The following CTNNA3 variants were observed in gnomAD, a reference collection of about 807,000 sequenced individuals.
The protein encoded by CTNNA3 is catenin alpha 3.
CTNNA3 carries 76 observed loss-of-function variants against 95.7 expected under a neutral mutation model. That is an observed-to-expected ratio of 0.79 (90% CI 0.66 to 0.96). CTNNA3 has a LOEUF of 0.96. Among genes scored for constraint, CTNNA3 ranks in the 40% least tolerant of loss-of-function variants. CTNNA3 has a pLI of 0.00. For synonymous variants in CTNNA3, 431 were observed against 374.4 expected, an observed-to-expected ratio of 1.15 and a Z score of -1.74; for missense variants, 1,191 against 1,089.8, an observed-to-expected ratio of 1.09 and a Z score of -1.31.
In CTNNA3 at chr10:66,857,351, G is replaced by C. The variant is rs558675409; in HGVS notation, c.1048-81827C>G. Among the ~76,000 whole-genome samples, 5 of 150,284 alleles carry C rather than the reference G, an allele frequency of 3.3e-5. No homozygotes were observed. The East Asian group carries it at 5.9e-4, about 18-fold the overall frequency. On this transcript the variant is annotated intron_variant, in intron 7 of 17. Coordinates refer to ENST00000433211, the MANE Select transcript of CTNNA3 (RefSeq NM_013266.4). ...CAGGTAATGTGATGCCTCCAGCTTT[G>C]TTCTTTATGCTTAGTACTGCCTTGG...
At chr10:66,229,728 T>A (rs1416611104) in intron 13 of CTNNA3, among the ~76,000 whole-genome samples, 3 of 119,110 alleles carry the variant, frequency 2.5e-5, no homozygotes, top group Non-Finnish European at 3.9e-5. Flanking sequence ...TTATTTGTAA[T>A]TTTTTTAGCT....
In CTNNA3 at chr10:66,991,197, G is replaced by A. The variant is rs561870739; in HGVS notation, c.1047+189120C>T. Among the ~76,000 whole-genome samples the A allele has an allele frequency of 1.7e-4, 26 of 152,276 alleles. No individual in the cohort carries two copies. In the South Asian group the frequency reaches 5.4e-3, roughly 32 times the overall value. On this transcript the variant is annotated intron_variant, in intron 7 of 17. Coordinates refer to ENST00000433211, the MANE Select transcript of CTNNA3 (RefSeq NM_013266.4). ...TTCAAACATTCAGGGAAGTAAAAAT[G>A]TCACTATGCCAGGTTTTCTAAATTT... is the stretch of plus-strand genomic sequence containing the variant.
intron 7 of CTNNA3, among the ~76,000 whole-genome samples, chr10:67,120,259 C>A (rs1589761066): frequency 6.6e-6 from 1 of 151,916 alleles, no homozygotes; most frequent in Admixed American, 6.6e-5. Context: ...TACCCTGAAT[C>A]AAGTGAATGA....
intron 5 of CTNNA3, among the ~76,000 whole-genome samples, chr10:67,308,965 A>C (rs1269892187): frequency 6.6e-6 from 1 of 152,180 alleles, no homozygotes; most frequent in African/African-American, 2.4e-5. Context: ...GTGACTTTTT[A>C]ACCTCTTAAC....
chr10:66,677,648 C>T (rs1205886360), intron 9 of CTNNA3, among the ~76,000 whole-genome samples: 1 of 152,112 alleles, frequency 6.6e-6, no homozygotes, highest in African/African-American at 2.4e-5. Context: ...AGTTCCCCTA[C>T]ACAAGCTCTC....
At chr10:66,551,236 T>A (rs1462047755) in intron 10 of CTNNA3, among the ~76,000 whole-genome samples, 4 of 152,168 alleles carry the variant, frequency 2.6e-5, no homozygotes, top group African/African-American at 7.2e-5. Context: ...TTAGTGGATA[T>A]AAAATTACGG....
chr10:66,159,916 T>A (rs925825087), intron 13 of CTNNA3, among the ~76,000 whole-genome samples: 1 of 151,986 alleles, frequency 6.6e-6, no homozygotes, highest in Non-Finnish European at 1.5e-5. Context: ...AGAGCTGTAT[T>A]TTTCCATGAA....
intron 5 of CTNNA3, among the ~76,000 whole-genome samples, chr10:67,467,804 G>C (rs1281757753): frequency 1.3e-5 from 2 of 151,828 alleles, no homozygotes; most frequent in Admixed American, 1.3e-4. Context: ...TCGACCTCCT[G>C]GGCTCAGGTG....
intron 5 of CTNNA3, among the ~76,000 whole-genome samples, chr10:67,450,167 G>T (rs546311650): frequency 6.6e-6 from 1 of 152,250 alleles, no homozygotes; most frequent in South Asian, 2.1e-4. Flanking sequence ...TCAAGTTGTG[G>T]TAAAAAGGGA....
At chr10:67,230,414 C>T (rs1278925258) in intron 5 of CTNNA3, among the ~76,000 whole-genome samples, 1 of 151,880 alleles carries the variant, frequency 6.6e-6, no homozygotes, top group African/African-American at 2.4e-5. Context: ...CACCAAGAAC[C>T]CAAAAGCAAA....
chr10:67,566,077 AACC>A (rs1554854528), intron 3 of CTNNA3, among the ~76,000 whole-genome samples: 14 of 109,350 alleles, frequency 1.3e-4, no homozygotes, highest in Non-Finnish European at 2.1e-4. Context: ...ATATATACAA[AACC>A]TAGGCATTAC....
intron 14 of CTNNA3, among the ~76,000 whole-genome samples, chr10:66,085,356 G>C (rs1206011877): frequency 1.3e-5 from 2 of 152,050 alleles, no homozygotes; most frequent in Non-Finnish European, 2.9e-5. Context: ...AAGAGAATTG[G>C]TGTTTGTTGG....
Position 67,402,415 on chromosome 10 carries a change from T to C in CTNNA3, c.579+119427A>G, listed in dbSNP as rs140085565. On this transcript the variant is annotated intron_variant, in intron 5 of 17. Transcript: ENST00000433211. ...ATACAGAAAAGAGAATTGAGAAAGA[T>C]GAAGAGCAGAGAGTGGGCCGAGACC... is the stretch of plus-strand genomic sequence containing the variant. 3.3e-3 allele frequency among the ~76,000 whole-genome samples: 499 copies of C among 152,188 alleles called. 5 individuals carry two copies. The highest frequency in any genetic ancestry group is 0.011 in the African/African-American group (461 of 41,530).
At position 66,758,345 on chromosome 10, in the gene CTNNA3, G is replaced by C. The variant is rs75977903; in HGVS notation, c.1281+7919C>G. ...AAAACACAAAAGACAAAAATGGAAT[G>C]AGGCTTTAACCAGCAGGGTTCAGTA... On this transcript the variant is annotated intron_variant, in intron 9 of 17. Transcript: ENST00000433211. Among the ~76,000 whole-genome samples, 143 of 152,318 alleles carry C rather than the reference G, an allele frequency of 9.4e-4. No homozygotes were observed. In the Middle Eastern group the frequency reaches 0.01, roughly 11 times the overall value.
At chr10:67,061,675 C>T (rs1855765216) in intron 7 of CTNNA3, among the ~76,000 whole-genome samples, 1 of 152,176 alleles carries the variant, frequency 6.6e-6, no homozygotes, top group African/African-American at 2.4e-5. Context: ...ATCTGGTCAA[C>T]ATAAAAGGGA....
chr10:67,645,824 T>G (rs1445419799), intron 2 of CTNNA3, among the ~76,000 whole-genome samples: 4 of 151,500 alleles, frequency 2.6e-5, no homozygotes, highest in Non-Finnish European at 4.4e-5. Context: ...GCAGCTTTAT[T>G]AAACCATGCT....
At chr10:66,822,246 T>C (rs1842329092) in intron 7 of CTNNA3, among the ~76,000 whole-genome samples, 1 of 151,888 alleles carries the variant, frequency 6.6e-6, no homozygotes, top group Admixed American at 6.6e-5. Context: ...GGATGACAAA[T>C]ATTTAATATA....
intron 1 of CTNNA3, among the ~76,000 whole-genome samples, chr10:67,693,790 T>G (rs1011647103): frequency 6.6e-6 from 1 of 152,202 alleles, no homozygotes; most frequent in Non-Finnish European, 1.5e-5. Flanking sequence ...TTCCTTAGCT[T>G]TCTTCCTTCT....
At chr10:66,004,996 T>G (rs985566060) in intron 15 of CTNNA3, among the ~76,000 whole-genome samples, 1 of 152,238 alleles carries the variant, frequency 6.6e-6, no homozygotes, top group African/African-American at 2.4e-5. Flanking sequence ...TCAGCAGGGC[T>G]GGTTCCTTCT....
Sources: allele counts gnomAD v4.1 joint callset (sites outside exome capture counted in the v4.1 genomes callset), GRCh38; gene constraint gnomAD v4.1.1; transcripts MANE v1.5; gene names NCBI Gene and HGNC (gene_info 2026-07-23, HGNC 2026-07-21).